The following UNC13B variants were observed in gnomAD, a reference collection of about 807,000 sequenced individuals.
UNC13B encodes unc-13 homolog B.
A neutral mutation model predicts 211.0 loss-of-function variants in UNC13B; 144 were observed. The observed-to-expected ratio is 0.68, with a 90% CI of 0.60 to 0.78. The LOEUF (loss-of-function observed/expected upper bound fraction) is 0.78, where lower values mean the gene tolerates loss of function less well. UNC13B is among the 30% of genes least tolerant of loss of function. The pLI is 0.00. For synonymous variants in UNC13B, 709 were observed against 725.8 expected (o/e 0.98, Z 0.37); for missense variants, 1,777 against 2,002.0 (o/e 0.89, Z 2.14).
At chr9:35,308,566 A>G (rs1830035236) in intron 9 of UNC13B, among the ~76,000 whole-genome samples, 154 bp downstream of exon 9, 1 of 152,240 alleles carries the variant, frequency 6.6e-6, no homozygotes, top group Non-Finnish European at 1.5e-5. Context: ...TTAAATAACA[A>G]GAACTCAGTG....
chr9:35,337,708 T>C (rs568796053), intron 11 of UNC13B, among the ~76,000 whole-genome samples: 2 of 152,362 alleles, frequency 1.3e-5, no homozygotes, highest in African/African-American at 4.8e-5. Context: ...GATCCCTTCA[T>C]TGAATGTGAA....
intron 11 of UNC13B, among the ~76,000 whole-genome samples, chr9:35,341,367 C>T (rs941443788): frequency 1.3e-5 from 2 of 152,206 alleles, no homozygotes; most frequent in Non-Finnish European, 2.9e-5. Context: ...TTGATTTTAA[C>T]TGCACTTGAT....
At chr9:35,245,359 A>C (rs1219019225) in intron 6 of UNC13B, among the ~76,000 whole-genome samples, 9 of 148,600 alleles carry the variant, frequency 6.1e-5, no homozygotes, top group African/African-American at 2.0e-4. Flanking sequence ...TAATTTTATT[A>C]TTTTTATACT....
chr9:35,294,143 T>C (rs1206990901), intron 7 of UNC13B, among the ~76,000 whole-genome samples: 1 of 152,136 alleles, frequency 6.6e-6, no homozygotes, highest in African/African-American at 2.4e-5. Context: ...ATCTTCAATA[T>C]GGCCCCATGT....
In UNC13B at chr9:35,295,680, T is replaced by A; in HGVS notation, c.527-16T>A. ...ATAAAGCTGGGGTGCTTTGATTGAA[T>A]GTGCTTATTCCATAGCTTTTGAAGA... is the stretch of plus-strand genomic sequence containing the variant. On this transcript the variant is annotated splice_polypyrimidine_tract_variant and intron_variant, in intron 7 of 39. Transcript: ENST00000635942. The A allele has an allele frequency of 6.2e-7, 1 of 1,611,254 alleles. No homozygotes were observed.
intron 6 of UNC13B, among the ~76,000 whole-genome samples, chr9:35,254,988 ATAT>A (rs1826760442): frequency 8.3e-6 from 1 of 121,174 alleles, no homozygotes; most frequent in South Asian, 2.2e-4. Flanking sequence ...TAATATATGT[ATAT>A]ATTATATTAT....
chr9:35,384,351 A>T, intron 22 of UNC13B, 37 bp downstream of exon 22: 1 of 1,608,092 alleles, frequency 6.2e-7, no homozygotes, highest in Non-Finnish European at 8.5e-7. Context: ...GATAATAGAT[A>T]TCAAGCACGG....
chr9:35,377,420 C>T lies in UNC13B; in HGVS notation c.9836-48C>T, dbSNP rs758454417. ...CTCTCCCAGGCCCCATTCCTCAGCT[C>T]AACCCTTGGTCTGGTAGGTGACCTG... On this transcript the variant is annotated intron_variant, in intron 15 of 39. Coordinates refer to ENST00000635942, the MANE Select transcript of UNC13B (RefSeq NM_001371189.2). 3.1e-6 allele frequency: 5 copies of T among 1,594,984 alleles called. No homozygotes were observed. In the South Asian group the frequency reaches 4.5e-5, roughly 14 times the overall value.
At chr9:35,262,733 C>A (rs1356120827) in intron 7 of UNC13B, among the ~76,000 whole-genome samples, 1 of 152,102 alleles carries the variant, frequency 6.6e-6, no homozygotes, top group Non-Finnish European at 1.5e-5. Context: ...GAGTTCTAGA[C>A]CAATCCGGGC....
intron 1 of UNC13B, among the ~76,000 whole-genome samples, chr9:35,173,759 A>G (rs374274907): frequency 6.0e-4 from 91 of 152,196 alleles, no homozygotes; most frequent in African/African-American, 2.1e-3. Context: ...GCCCATTTTT[A>G]CAGCTTATAC....
intron 1 of UNC13B, among the ~76,000 whole-genome samples, chr9:35,221,668 G>T (rs1422386258): frequency 6.6e-6 from 1 of 152,092 alleles, no homozygotes; most frequent in Non-Finnish European, 1.5e-5. Context: ...GCACTTGTTT[G>T]TACATTTTTT....
At chr9:35,401,923 T>C in intron 37 of UNC13B, 1 of 1,548,398 alleles carries the variant, frequency 6.5e-7, no homozygotes, top group Non-Finnish European at 8.7e-7. Context: ...CTGCTGCTAC[T>C]ACCTCTGACT....
chr9:35,184,614 A>T (rs1337146289), intron 1 of UNC13B, among the ~76,000 whole-genome samples: 1 of 152,144 alleles, frequency 6.6e-6, no homozygotes, highest in African/African-American at 2.4e-5. Flanking sequence ...AGGCTGAGGC[A>T]GGAGAACCAC....
chr9:35,397,701 A>G lies in UNC13B; in HGVS notation c.11743A>G (p.Lys3915Glu). 6.2e-7 allele frequency: 1 copy of G among 1,614,086 alleles called. No individual in the cohort carries two copies. Among genetic ancestry groups the G allele is most frequent in the Non-Finnish European group, 8.5e-7 (1 of 1,180,004 alleles). Residue 3915 changes from lysine to glutamate, a missense_variant, in exon 30 of 40, where the codon AAG becomes GAG. By Grantham distance (56) the Lys-to-Glu change is moderately conservative. Coordinates refer to ENST00000635942, the MANE Select transcript of UNC13B (RefSeq NM_001371189.2). ...LSKDFPAYCT[K>E]EKLPCILMNN... ...AAAGGACTTCCCAGCCTATTGCACA[A>G]AGGAGAAACTGGTAGGTTCAGGCCC...
At chr9:35,398,718 C>G (rs1836060671) in intron 32 of UNC13B, 76 bp downstream of exon 32, 2 of 1,573,436 alleles carry the variant, frequency 1.3e-6, no homozygotes, top group Non-Finnish European at 1.7e-6. Flanking sequence ...TGCCCCACAC[C>G]TCTCCATATA....
chr9:35,244,795 CTT>C (rs1353294083), intron 6 of UNC13B, among the ~76,000 whole-genome samples: 1 of 152,140 alleles, frequency 6.6e-6, no homozygotes, highest in Non-Finnish European at 1.5e-5. Flanking sequence ...TTCACAGATA[CTT>C]AGGGTTAGAA....
chr9:35,400,551 G>T, intron 37 of UNC13B, 108 bp downstream of exon 37: 1 of 1,343,218 alleles, frequency 7.4e-7, no homozygotes, highest in Non-Finnish European at 1.0e-6. Flanking sequence ...TACTTCTTCA[G>T]AGAGCCCTTC....
intron 1 of UNC13B, among the ~76,000 whole-genome samples, chr9:35,176,590 T>G (rs1300158796): frequency 5.9e-5 from 9 of 151,960 alleles, no homozygotes; most frequent in Admixed American, 5.9e-4. Flanking sequence ...ACCCCACAAC[T>G]GTTGTGCTAG....
intron 3 of UNC13B, among the ~76,000 whole-genome samples, chr9:35,233,399 G>A (rs1053080202): frequency 1.3e-5 from 2 of 152,102 alleles, no homozygotes; most frequent in East Asian, 1.9e-4. Context: ...TCTCTCCCAC[G>A]TTGAGATGCT....
Sources: gnomAD v4.1 joint callset for allele counts (sites outside exome capture counted in the v4.1 genomes callset) on GRCh38, gnomAD v4.1.1 for gene constraint, MANE v1.5 for transcripts, NCBI Gene and HGNC (gene_info 2026-07-23, HGNC 2026-07-21) for gene names.